NCOA2: variants seen among roughly 807,000 people sequenced by gnomAD.
NCOA2 encodes nuclear receptor coactivator 2, also known as class E basic helix-loop-helix protein 75.
NCOA2 carries 21 observed loss-of-function variants against 145.1 expected under a neutral mutation model. The ratio of observed to expected loss-of-function variants is 0.14; its 90% CI spans 0.10 to 0.21. NCOA2 has a LOEUF of 0.21. NCOA2 is among the 10% of genes least tolerant of loss of function. NCOA2 has a pLI of 1.00. For synonymous variants in NCOA2, 619 were observed against 637.5 expected (o/e 0.97, Z 0.44); for missense variants, 1,472 against 1,837.6 (o/e 0.80, Z 3.64).
At chr8:70,197,836 G>GT (rs34200791) in intron 4 of NCOA2, among the ~76,000 whole-genome samples, 19,794 of 147,262 alleles carry the variant, frequency 0.13, 1,385 homozygotes, top group African/African-American at 0.18. Flanking sequence ...TTCTCTAAAA[G>GT]TTTTTTTTTT....
chr8:70,298,000 T>G (rs1827216051), intron 1 of NCOA2, among the ~76,000 whole-genome samples: 2 of 152,212 alleles, frequency 1.3e-5, no homozygotes, highest in Non-Finnish European at 2.9e-5. Context: ...TGTATCTCTT[T>G]TTAAGAATAA....
chr8:70,424,292 C>G, the NCOA2 span: 37 of 375,608 alleles, frequency 9.9e-5, no homozygotes, highest in Middle Eastern at 9.2e-4. Context: ...TTCGCCAGGA[C>G]CTGGCTATAG....
At chr8:70,330,989 T>G (rs559366734) in intron 1 of NCOA2, among the ~76,000 whole-genome samples, 44 of 152,252 alleles carry the variant, frequency 2.9e-4, no homozygotes, top group African/African-American at 1.0e-3. Context: ...CTAATTCATT[T>G]TAAAGCCTCC....
At chr8:70,211,451 T>A (rs1234694459) in intron 4 of NCOA2, among the ~76,000 whole-genome samples, 2 of 139,714 alleles carry the variant, frequency 1.4e-5, no homozygotes, top group Non-Finnish European at 1.5e-5. Flanking sequence ...AGAGCAAGAC[T>A]CCAAAAAAAA....
chr8:70,375,688 T>A (rs1811602166), intron 1 of NCOA2, among the ~76,000 whole-genome samples: 1 of 152,174 alleles, frequency 6.6e-6, no homozygotes, highest in Non-Finnish European at 1.5e-5. Context: ...GTGAACCTGG[T>A]TAGAGTTCCA....
chr8:70,239,044 CACCTTCTGTTTACATCCACT>C (rs943465273), intron 2 of NCOA2, among the ~76,000 whole-genome samples: 37 of 152,106 alleles, frequency 2.4e-4, no homozygotes, highest in Non-Finnish European at 4.4e-4. Flanking sequence ...TATAAGAAAC[CACCTTCTGTTTACATCCACT>C]ACCTTGCCTT....
At position 70,112,496 on chromosome 8, in the gene NCOA2, T is replaced by C. The variant is rs545632654; in HGVS notation, c.*1136A>G. Reference sequence around the variant, plus strand: ...GGCAGAGGTTAAATCTGTCGTGATATCTGCTATCAATTTAAACACACTGGC... The same window carrying C: ...GGCAGAGGTTAAATCTGTCGTGATACCTGCTATCAATTTAAACACACTGGC... On this transcript the variant is annotated 3_prime_UTR_variant, in exon 23 of 23. Coordinates refer to ENST00000452400, the MANE Select transcript of NCOA2 (RefSeq NM_006540.4). The C allele has an allele frequency of 4.9e-6, 1 of 204,342 alleles. No homozygotes were observed. The highest frequency in any genetic ancestry group is 1.0e-5 in the Non-Finnish European group (1 of 99,736). The allele number at this position is 204,342 out of a possible 1,614,324, so 12.7% of individuals were successfully genotyped here.
At chr8:70,241,445 C>A (rs749418788) in intron 2 of NCOA2, among the ~76,000 whole-genome samples, 1 of 152,032 alleles carries the variant, frequency 6.6e-6, no homozygotes, top group Non-Finnish European at 1.5e-5. Flanking sequence ...CTTTTCAATG[C>A]GGACCGAATA....
At chr8:70,214,239 G>GT (rs999215811) in intron 3 of NCOA2, among the ~76,000 whole-genome samples, 164 bp from the exon 4 acceptor site, 3 of 152,034 alleles carry the variant, frequency 2.0e-5, no homozygotes, top group African/African-American at 2.4e-5. Context: ...AGTGTTCCAT[G>GT]TTTTTTTAAA....
chr8:70,170,464 G>A, intron 5 of NCOA2, 85 bp from the exon 6 acceptor site: 2 of 1,181,190 alleles, frequency 1.7e-6, no homozygotes, highest in Non-Finnish European at 1.1e-6. Context: ...TCCCTTTCAA[G>A]GAAACACAAT....
At chr8:70,375,524 A>G (rs969291376) in intron 1 of NCOA2, among the ~76,000 whole-genome samples, 18 of 152,206 alleles carry the variant, frequency 1.2e-4, no homozygotes, top group Non-Finnish European at 2.4e-4. Flanking sequence ...TGAGGGCAAA[A>G]ATAATGAGAC....
intron 2 of NCOA2, among the ~76,000 whole-genome samples, chr8:70,264,137 G>A (rs56354138): frequency 0.11 from 16,759 of 151,460 alleles, 1,109 homozygotes; most frequent in African/African-American, 0.16. Flanking sequence ...ACTTGAACCC[G>A]GGAGGCAGAG....
Position 70,148,391 on chromosome 8 carries a change from G to A in NCOA2, c.2487C>T (p.Ala829=). ...PQLFPDTRPG[A]PAGSVDKQAI... is the part of the protein sequence containing the mutation. ...CTTGCTTGTCAACTGATCCAGCAGG[G>A]GCGCCTGGCCTCGTGTCTGGGAAAA... Residue 829 remains alanine, a synonymous_variant, in exon 12 of 23, where the codon GCC becomes GCT. Transcript: ENST00000452400. 2 of 1,613,950 alleles carry A rather than the reference G, an allele frequency of 1.2e-6. No homozygotes were observed. Among genetic ancestry groups the A allele is most frequent in the Non-Finnish European group, 1.7e-6 (2 of 1,179,876 alleles).
intron 1 of NCOA2, among the ~76,000 whole-genome samples, chr8:70,374,494 G>C (rs1310539234): frequency 1.3e-5 from 2 of 149,300 alleles, no homozygotes; most frequent in African/African-American, 4.9e-5. Flanking sequence ...AAAGAAAAAA[G>C]AAATGGACAC....
intron 2 of NCOA2, among the ~76,000 whole-genome samples, chr8:70,219,579 C>T (rs1819956186): frequency 6.6e-6 from 1 of 152,002 alleles, no homozygotes; most frequent in East Asian, 1.9e-4. Context: ...GCAAGGATGC[C>T]CTGTCTGAAT....
intron 1 of NCOA2, among the ~76,000 whole-genome samples, chr8:70,399,542 C>G (rs928446669): frequency 2.6e-5 from 4 of 152,192 alleles, no homozygotes; most frequent in African/African-American, 9.6e-5. Context: ...TATTTTCTCC[C>G]TCCTATTCTC....
chr8:70,385,513 C>A (rs1312870335), intron 1 of NCOA2, among the ~76,000 whole-genome samples: 1 of 152,188 alleles, frequency 6.6e-6, no homozygotes, highest in Non-Finnish European at 1.5e-5. Flanking sequence ...ACTGCAGCCA[C>A]AACTCCTGGC....
intron 4 of NCOA2, among the ~76,000 whole-genome samples, chr8:70,184,007 CTGTT>C (rs1204484514): frequency 6.6e-6 from 1 of 152,136 alleles, no homozygotes; most frequent in African/African-American, 2.4e-5. Context: ...TCAGAGGTAT[CTGTT>C]TGGAAGAGCT....
chr8:70,126,777 G>T, intron 19 of NCOA2, 36 bp downstream of exon 19: 1 of 1,551,450 alleles, frequency 6.4e-7, no homozygotes, highest in South Asian at 1.1e-5. Flanking sequence ...GGGGAGAAAG[G>T]ACTGGTGAAA....
Sources: gnomAD v4.1 joint callset for allele counts (sites outside exome capture counted in the v4.1 genomes callset) on GRCh38, gnomAD v4.1.1 for gene constraint, MANE v1.5 for transcripts, NCBI Gene and HGNC (gene_info 2026-07-23, HGNC 2026-07-21) for gene names.